The following FOXN3 variants were observed in gnomAD, a reference collection of about 807,000 sequenced individuals.
The protein encoded by FOXN3 is forkhead box protein N3.
Under a neutral mutation model 38.4 loss-of-function variants are expected in FOXN3, and 7 were observed. The ratio of observed to expected loss-of-function variants is 0.18; its 90% CI spans 0.10 to 0.34. FOXN3 has a LOEUF of 0.34. Among genes scored for constraint, FOXN3 ranks in the 10% least tolerant of loss-of-function variants. The pLI is 1.00. For synonymous variants in FOXN3, 230 were observed against 242.2 expected, an observed-to-expected ratio of 0.95 and a Z score of 0.47; for missense variants, 456 against 613.4, an observed-to-expected ratio of 0.74 and a Z score of 2.71.
At chr14:89,351,765 C>G (rs1056646688) in intron 2 of FOXN3, among the ~76,000 whole-genome samples, 1 of 152,178 alleles carries the variant, frequency 6.6e-6, no homozygotes, top group African/African-American at 2.4e-5. Context: ...CCCGTGCCCA[C>G]CTCCTGCTTT....
At chr14:89,617,384 C>A (rs1896513798) in intron 1 of FOXN3, among the ~76,000 whole-genome samples, 2 of 152,226 alleles carry the variant, frequency 1.3e-5, no homozygotes, top group African/African-American at 4.8e-5. Context: ...AAAGCAGATG[C>A]CACAATCTCT....
At chr14:89,297,559 C>CAAA (rs919496715) in intron 3 of FOXN3, among the ~76,000 whole-genome samples, 1 of 103,554 alleles carries the variant, frequency 9.7e-6, no homozygotes. Flanking sequence ...GACTCCCTTT[C>CAAA]AAAAAAAAAA....
chr14:89,349,292 A>G (rs1888877221), intron 3 of FOXN3, among the ~76,000 whole-genome samples: 1 of 152,122 alleles, frequency 6.6e-6, no homozygotes, highest in Non-Finnish European at 1.5e-5. Flanking sequence ...GCTGCTTTGG[A>G]AAATCCCACT....
intron 1 of FOXN3, among the ~76,000 whole-genome samples, chr14:89,534,167 T>C (rs1894635499): frequency 6.8e-6 from 1 of 147,018 alleles, no homozygotes. Flanking sequence ...GTGCAGTGGC[T>C]CTATCTCGGC....
At chr14:89,395,502 C>T (rs1056150799) in intron 2 of FOXN3, among the ~76,000 whole-genome samples, 1 of 152,112 alleles carries the variant, frequency 6.6e-6, no homozygotes, top group African/African-American at 2.4e-5. Context: ...CCTCTCCTGC[C>T]CAGCACAGCA....
In FOXN3 at chr14:89,160,115, C is replaced by A. The variant is rs8011758; in HGVS notation, c.*2299G>T. The A allele has an allele frequency of 0.35, 53,158 of 151,770 alleles. 9,457 individuals carry two copies. The highest frequency in any genetic ancestry group is 0.43 in the Admixed American group (6,506 of 15,258). 9.4% of individuals were successfully genotyped at this position (151,770 alleles called of 1,614,324 possible). ...CATCTCTGTTCCCTCCCTCTCCTCA[C>A]GCATCATATCCTGAGCCACAGTACT... On this transcript the variant is annotated 3_prime_UTR_variant, in exon 6 of 6. Transcript: ENST00000557258.
Position 89,156,274 on chromosome 14 carries a change from C to A in FOXN3, c.*6140G>T, listed in dbSNP as rs1886977472. On this transcript the variant is annotated 3_prime_UTR_variant, in exon 6 of 6. Coordinates refer to ENST00000557258, the MANE Select transcript of FOXN3 (RefSeq NM_005197.4). ...TAGGTCTGGGGAAAAGTGTTATTTA[C>A]AATAAATGATGAAATAGTTTGTCTT... The A allele has an allele frequency of 6.6e-6, 1 of 152,584 alleles. No homozygotes were observed. The highest frequency in any genetic ancestry group is 6.5e-5 in the Admixed American group (1 of 15,282). 9.5% of individuals were successfully genotyped at this position (152,584 alleles called of 1,614,324 possible).
intron 5 of FOXN3, among the ~76,000 whole-genome samples, chr14:89,178,217 C>T (rs1887575407): frequency 6.6e-6 from 1 of 151,662 alleles, no homozygotes; most frequent in Admixed American, 6.6e-5. Flanking sequence ...CGCCATGTTG[C>T]CCAGGCTGGT....
At chr14:89,542,634 T>C (rs920343943) in intron 1 of FOXN3, among the ~76,000 whole-genome samples, 3 of 152,226 alleles carry the variant, frequency 2.0e-5, no homozygotes, top group African/African-American at 7.2e-5. Context: ...GTGGGGCTGA[T>C]GAGATGGCTT....
In FOXN3 at chr14:89,333,996, A is replaced by G. The variant is rs865876499; in HGVS notation, c.680+16676T>C. On this transcript the variant is annotated intron_variant, in intron 3 of 5. Transcript: ENST00000557258. Reference sequence around the variant, plus strand: ...TATATATATATATATATATATATATATATATATATATATGTATATAAATGT... The same window carrying G: ...TATATATATATATATATATATATATGTATATATATATATGTATATAAATGT... 9.3e-5 allele frequency among the ~76,000 whole-genome samples: 6 copies of G among 64,324 alleles called. No individual in the cohort carries two copies. In the South Asian group the frequency reaches 2.2e-3, roughly 24 times the overall value. The allele number at this position is 64,324 out of a possible 152,430, so 42.2% of individuals were successfully genotyped here.
intron 1 of FOXN3, among the ~76,000 whole-genome samples, chr14:89,611,752 G>A (rs1896396816): frequency 6.8e-6 from 1 of 147,222 alleles, no homozygotes; most frequent in South Asian, 2.1e-4. Context: ...CTTGCAGTGA[G>A]CCGAGATCGT....
intron 1 of FOXN3, among the ~76,000 whole-genome samples, chr14:89,437,454 GGACA>G (rs963857188): frequency 4.6e-5 from 7 of 152,124 alleles, no homozygotes; most frequent in Middle Eastern, 3.2e-3. Context: ...AGGTGCTGAT[GGACA>G]GATGATGGTG....
At chr14:89,221,439 T>A (rs1411186315) in intron 4 of FOXN3, among the ~76,000 whole-genome samples, 2 of 152,248 alleles carry the variant, frequency 1.3e-5, no homozygotes, top group Non-Finnish European at 2.9e-5. Flanking sequence ...TTATTCACTA[T>A]GCCATATTAT....
At chr14:89,316,960 C>T (rs1004154541) in intron 3 of FOXN3, among the ~76,000 whole-genome samples, 2 of 152,114 alleles carry the variant, frequency 1.3e-5, no homozygotes, top group Non-Finnish European at 2.9e-5. Flanking sequence ...CCACCACACC[C>T]GGCCACCAAT....
At chr14:89,386,784 C>T (rs946141283) in intron 2 of FOXN3, among the ~76,000 whole-genome samples, 1 of 152,134 alleles carries the variant, frequency 6.6e-6, no homozygotes, top group Non-Finnish European at 1.5e-5. Flanking sequence ...GGACTCTCTT[C>T]GTGAGAAGAC....
At chr14:89,574,455 A>G (rs536308770) in intron 1 of FOXN3, among the ~76,000 whole-genome samples, 1 of 152,234 alleles carries the variant, frequency 6.6e-6, no homozygotes, top group Non-Finnish European at 1.5e-5. Flanking sequence ...GGGAGAGAGC[A>G]GAGAGAGAAC....
intron 4 of FOXN3, 50 bp downstream of exon 4, chr14:89,280,900 G>C (rs374235395): frequency 1.1e-5 from 16 of 1,511,472 alleles, no homozygotes; most frequent in Non-Finnish European, 1.5e-5. Flanking sequence ...AGTGATGAAA[G>C]GCGGGTGGGT....
At chr14:89,206,185 T>A (rs1405469887) in intron 4 of FOXN3, among the ~76,000 whole-genome samples, 3 of 152,162 alleles carry the variant, frequency 2.0e-5, no homozygotes, top group Non-Finnish European at 4.4e-5. Context: ...CTGAATGGAC[T>A]AACATAGTGG....
At position 89,508,537 on chromosome 14, in the gene FOXN3, G is replaced by A. The variant is rs574229006; in HGVS notation, c.-14-96047C>T. ...AAAGTGGCACTCGCTCAGAAAAGCC[G>A]AAGAGCTTGGGCAGAGCAGAGAATG... On this transcript the variant is annotated intron_variant, in intron 1 of 6. Coordinates refer to the FOXN3 transcript ENST00000345097. Among the ~76,000 whole-genome samples, 51 of 152,288 alleles carry A rather than the reference G, an allele frequency of 3.3e-4. No homozygotes were observed. The South Asian group carries it at 8.7e-3, about 26-fold the overall frequency.
Sources: gnomAD v4.1 joint callset for allele counts (sites outside exome capture counted in the v4.1 genomes callset) on GRCh38, gnomAD v4.1.1 for gene constraint, MANE v1.5 for transcripts, NCBI Gene and HGNC (gene_info 2026-07-23, HGNC 2026-07-21) for gene names.